Variants in CARD10 observed in about 807,000 individuals in gnomAD.
CARD10 encodes caspase recruitment domain family member 10.
CARD10 carries 49 observed loss-of-function variants against 114.6 expected under a neutral mutation model. The observed-to-expected ratio is 0.43, with a 90% confidence interval of 0.34 to 0.54. The LOEUF (loss-of-function observed/expected upper bound fraction) is 0.54. Among genes scored for constraint, CARD10 ranks in the 20% least tolerant of loss-of-function variants. CARD10 has a pLI of 0.03. For missense variants in CARD10, 1,206 were observed against 1,397.2 expected (o/e 0.86, Z 2.18); for synonymous variants, 602 against 593.2 (o/e 1.01, Z -0.21).
At chr22:37,508,869 C>T (rs1411285037) in intron 4 of CARD10, 187 bp from the exon 5 acceptor site, 2 of 1,232,146 alleles carry the variant, frequency 1.6e-6, no homozygotes, top group Non-Finnish European at 2.3e-6. Flanking sequence ...GCCCCACAAG[C>T]CCTACCCACC....
chr22:37,496,159 G>A lies in CARD10; in HGVS notation c.2060-156C>T, dbSNP rs1922998661. On this transcript the variant is annotated intron_variant, in intron 13 of 19. Coordinates refer to ENST00000251973, the MANE Select transcript of CARD10 (RefSeq NM_014550.4). This position sits in a 1 kb window ranked among gnomAD's most constrained non-coding sequence, Gnocchi z 4.1. The stretch of plus-strand genomic sequence containing the variant: ...TTAGAATGACTTAGGTCCAGAGGGG[G>A]CAGGGACTTGCCCAAGGCCAGTGCC... 6.6e-6 allele frequency among the ~76,000 whole-genome samples: 1 copy of A among 152,216 alleles called. No homozygotes were observed. The highest frequency in any genetic ancestry group is 2.1e-4 in the South Asian group (1 of 4,832).
In CARD10 at chr22:37,503,221, G is replaced by A. The variant is rs1923280243; in HGVS notation, c.1635-8C>T. 3 of 1,610,322 alleles carry A rather than the reference G, an allele frequency of 1.9e-6. No homozygotes were observed. The highest frequency in any genetic ancestry group is 2.5e-6 in the Non-Finnish European group (3 of 1,178,526). On this transcript the variant is annotated splice_polypyrimidine_tract_variant and splice_region_variant and intron_variant, in intron 9 of 19. Coordinates refer to ENST00000251973, the MANE Select transcript of CARD10 (RefSeq NM_014550.4). ...GACATGCTGCTGAAGGATCTGGGCA[G>A]AGAGAGGGCAGGGAGGGGGCAGGAG...
chr22:37,499,663 G>A lies in CARD10; in HGVS notation c.1788-2485C>T, dbSNP rs183433750. Among the ~76,000 whole-genome samples the A allele has an allele frequency of 7.1e-4, 108 of 152,162 alleles. 1 individual carries two copies. In the East Asian group the frequency reaches 0.017, roughly 23 times the overall value. The stretch of plus-strand genomic sequence containing the variant: ...GCTCAGGCGCCCCCTCCTCCAGGAC[G>A]CCCTTGCCAACCTCCTCAAAGGACC... On this transcript the variant is annotated intron_variant, in intron 11 of 19. Coordinates refer to ENST00000251973, the MANE Select transcript of CARD10 (RefSeq NM_014550.4).
rs781635589 is a variant in CARD10 at position 37,508,590 on chromosome 22, C to T, written c.1002G>A (p.Glu334=). 3 of 1,591,164 alleles carry T rather than the reference C, an allele frequency of 1.9e-6. No individual in the cohort carries two copies. Among genetic ancestry groups the T allele is most frequent in the Admixed American group, 1.7e-5 (1 of 58,094 alleles). Residue 334 remains glutamate (E), a synonymous_variant, in exon 5 of 20, where the codon GAG becomes GAA. Transcript: ENST00000251973. The stretch of plus-strand genomic sequence containing the variant: ...GCACGGCATGCAGCTTCTGGCACAG[C>T]TCCTGCCTGCTGTCCTGCGCCTCCC... ...DWREAQDSRQ[E]LCQKLHAVQG...
Position 37,496,868 on chromosome 22 carries a change from G to T in CARD10, c.1947+151C>A. 2.1e-6 allele frequency: 2 copies of T among 942,414 alleles called. No homozygotes were observed. Among genetic ancestry groups the T allele is most frequent in the Non-Finnish European group, 1.6e-6 (1 of 627,382 alleles). 58.4% of individuals were successfully genotyped at this position (942,414 alleles called of 1,614,324 possible). A position where few individuals can be genotyped will look rare whatever the true frequency, so the allele number is the denominator to read the frequency against. ...TCAGACTTCAATTAAGCCTGGCTGA[G>T]CAGGCAACCACAGCTAATCACTGAG... is the stretch of plus-strand genomic sequence containing the variant. On this transcript the variant is annotated intron_variant, in intron 12 of 19. Transcript: ENST00000251973. This position sits in a 1 kb window ranked among gnomAD's most constrained non-coding sequence, Gnocchi z 4.1.
chr22:37,496,555 C>G lies in CARD10; in HGVS notation c.1953G>C (p.Arg651Ser), dbSNP rs760865621. 1 of 1,611,912 alleles carries G rather than the reference C, an allele frequency of 6.2e-7. No homozygotes were observed. Among genetic ancestry groups the G allele is most frequent in the African/African-American group, 1.3e-5 (1 of 74,850 alleles). Residue 651 changes from arginine (R) to serine (S), a missense_variant, in exon 13 of 20, where the codon AGG (arginine) becomes AGC (serine). Physicochemically the swap from Arg to Ser is moderately radical, Grantham distance 110 (BLOSUM62 -1). Around this residue, in one of 2 missense-constraint regions of CARD10, gnomAD observed 1,068 missense variants for 1,179.1 expected, o/e 0.91. Transcript: ENST00000251973. This position sits in a 1 kb window ranked among gnomAD's most constrained non-coding sequence, Gnocchi z 4.1. ...GSARMEPREQ[R>S]VEAAGLEGAC... ...CCCCCTCCAGACCAGCAGCTTCCACCCTTTGCTGGGAGAAAACCCAGGCAG... is the reference window on the plus strand; with the variant it reads ...CCCCCTCCAGACCAGCAGCTTCCACGCTTTGCTGGGAGAAAACCCAGGCAG...
At chr22:37,497,910 A>G (rs1923067241) in intron 11 of CARD10, among the ~76,000 whole-genome samples, 1 of 151,964 alleles carries the variant, frequency 6.6e-6, no homozygotes, top group African/African-American at 2.4e-5. Context: ...GGTCACCATT[A>G]GCACGTGGCA....
chr22:37,508,780 A>ACCTGACCAGCTC (rs897741796), intron 4 of CARD10, 98 bp from the exon 5 acceptor site: 2 of 1,343,800 alleles, frequency 1.5e-6, no homozygotes, highest in Non-Finnish European at 2.0e-6. Context: ...CTCCAAACCC[A>ACCTGACCAGCTC]CCTGACCAGC....
Position 37,494,208 on chromosome 22 carries a change from G to C in CARD10, c.2374-20C>G. 2 of 1,515,806 alleles carry C rather than the reference G, an allele frequency of 1.3e-6. No individual in the cohort carries two copies. Among genetic ancestry groups the C allele is most frequent in the African/African-American group, 1.4e-5 (1 of 72,428 alleles). 93.9% of individuals were successfully genotyped at this position (1,515,806 alleles called of 1,614,324 possible). A position where few individuals can be genotyped will look rare whatever the true frequency, so the allele number is the denominator to read the frequency against. On this transcript the variant is annotated intron_variant, in intron 15 of 19. Transcript: ENST00000251973. ...CTTCAGCTGGGAGGGTGCAGGGACA[G>C]AGGAGCATCTGAGAGCTCAGCCCCG... is the stretch of plus-strand genomic sequence containing the variant.
chr22:37,504,485 A>G (rs1923334507), intron 8 of CARD10, 150 bp downstream of exon 8: 19 of 1,327,992 alleles, frequency 1.4e-5, no homozygotes, highest in Non-Finnish European at 1.9e-5. Context: ...TGGCAAGGAA[A>G]TGGTTCTGGG....
In CARD10 at chr22:37,494,478, G is replaced by A. The variant is rs1056206362; in HGVS notation, c.2374-290C>T. The A allele has an allele frequency of 1.8e-4, 83 of 473,000 alleles. 1 individual carries two copies. The highest frequency in any genetic ancestry group is 2.0e-4 in the Non-Finnish European group (53 of 266,342). The allele number at this position is 473,000 out of a possible 1,614,324, so 29.3% of individuals were successfully genotyped here. On this transcript the variant is annotated intron_variant, in intron 15 of 19. Coordinates refer to ENST00000251973, the MANE Select transcript of CARD10 (RefSeq NM_014550.4). ...AGGTATACCCCCCAAGCTACAGATG[G>A]GGAGACTGAGGCCCAGAGACCAAGA...
Position 37,510,205 on chromosome 22 carries a change from C to G in CARD10, c.909+7G>C, listed in dbSNP as rs1923584918. On this transcript the variant is annotated splice_region_variant and intron_variant, in intron 4 of 19. Transcript: ENST00000251973. Reference sequence around the variant, plus strand: ...CAGCCTGTGCCCACAAGCCCTGGCCCTGGTACCTGCTGCAGGCCCTCCTGC... The same window carrying G: ...CAGCCTGTGCCCACAAGCCCTGGCCGTGGTACCTGCTGCAGGCCCTCCTGC... 1.9e-6 allele frequency: 3 copies of G among 1,599,408 alleles called. No individual in the cohort carries two copies. Among genetic ancestry groups the G allele is most frequent in the Non-Finnish European group, 2.5e-6 (3 of 1,179,758 alleles).
chr22:37,505,354 G>A (rs1294680081), intron 7 of CARD10, among the ~76,000 whole-genome samples: 2 of 151,944 alleles, frequency 1.3e-5, no homozygotes, highest in Non-Finnish European at 2.9e-5. Flanking sequence ...CACCAGGCCT[G>A]CGGAGCTCAC....
At chr22:37,498,455 G>A (rs747686988) in intron 11 of CARD10, among the ~76,000 whole-genome samples, 2 of 152,226 alleles carry the variant, frequency 1.3e-5, no homozygotes, top group African/African-American at 2.4e-5. Context: ...AAGGTCAGCA[G>A]GTGTGCTGGC....
At chr22:37,507,108 G>A (rs1923439227) in intron 6 of CARD10, among the ~76,000 whole-genome samples, 1 of 152,190 alleles carries the variant, frequency 6.6e-6, no homozygotes, top group African/African-American at 2.4e-5. Context: ...GTGAAACCCT[G>A]TCTCTACTAA....
chr22:37,495,767 A>T lies in CARD10; in HGVS notation c.2296T>A (p.Tyr766Asn), dbSNP rs775145886. Residue 766 changes from tyrosine to asparagine, a missense_variant, in exon 14 of 20, where the codon TAT (tyrosine) becomes AAT (asparagine). Around this residue, in one of 2 missense-constraint regions of CARD10, gnomAD observed 1,068 missense variants for 1,179.1 expected, o/e 0.91. Transcript: ENST00000251973. ...CTCCTGGCTCTGCGTCACCTCTGAT[A>T]ATTGGGCACGGTGCCCCGGTCCAGG... ...RDLDRGTVPNYQRAQQLLEVQ... is the reference protein window; with the variant it reads ...RDLDRGTVPNNQRAQQLLEVQ... The T allele has an allele frequency of 5.0e-6, 8 of 1,613,852 alleles. No homozygotes were observed. The South Asian group carries it at 8.8e-5, about 18-fold the overall frequency.
At chr22:37,503,640 C>G (rs1215991612) in intron 9 of CARD10, among the ~76,000 whole-genome samples, 3 of 152,150 alleles carry the variant, frequency 2.0e-5, no homozygotes, top group Admixed American at 2.0e-4. Context: ...CAAGGCCATA[C>G]TGACCACAGC....
At chr22:37,491,500 C>A in intron 19 of CARD10, 107 bp from the exon 20 acceptor site, 1 of 610,414 alleles carries the variant, frequency 1.6e-6, no homozygotes, top group Non-Finnish European at 2.4e-6. Flanking sequence ...AGAAGATGGA[C>A]AACCAAAGAG....
In CARD10 at chr22:37,492,941, A is replaced by C. The variant is rs1601807390; in HGVS notation, c.2477-139T>G. 1.2e-5 allele frequency: 10 copies of C among 834,896 alleles called. No homozygotes were observed. Among genetic ancestry groups the C allele is most frequent in the African/African-American group, 1.7e-5 (1 of 58,250 alleles). The allele number at this position is 834,896 out of a possible 1,614,324, so 51.7% of individuals were successfully genotyped here. A position where few individuals can be genotyped will look rare whatever the true frequency, so the allele number is the denominator to read the frequency against. ...TCCTCCTACACATGCACACACACACACCCTTAGTAGGACCGACGGTGGCAG... is the reference window on the plus strand; with the variant it reads ...TCCTCCTACACATGCACACACACACCCCCTTAGTAGGACCGACGGTGGCAG... On this transcript the variant is annotated intron_variant, in intron 16 of 19. Transcript: ENST00000251973. The surrounding 1 kb of genome is among the most constrained non-coding windows in gnomAD (Gnocchi z 5.7).
Sources: gnomAD v4.1 joint callset for allele counts (sites outside exome capture counted in the v4.1 genomes callset) on GRCh38, gnomAD v4.1.1 for gene constraint, gnomAD v4.1.1 regional missense constraint, Gnocchi (gnomAD v3.1) non-coding constraint, MANE v1.5 for transcripts, NCBI Gene and HGNC (gene_info 2026-07-23, HGNC 2026-07-21) for gene names.